HCRTR2: variants seen among roughly 807,000 people sequenced by gnomAD.
HCRTR2 encodes the protein hypocretin receptor 2.
In HCRTR2, 22 loss-of-function variants were observed where a neutral mutation model predicts 49.0. The observed-to-expected ratio is 0.45, with a 90% confidence interval of 0.32 to 0.64. HCRTR2 has a LOEUF of 0.64. Ranked by LOEUF, HCRTR2 falls within the 30% of genes least tolerant of loss-of-function variation. The pLI is 0.04. For missense variants in HCRTR2, 491 were observed against 559.4 expected (o/e 0.88, Z 1.23); for synonymous variants, 236 against 205.3 (o/e 1.15, Z -1.28).
chr6:55,239,871 G>A (rs113425243), intron 1 of HCRTR2, among the ~76,000 whole-genome samples: 27,127 of 146,292 alleles, frequency 0.19, 2,828 homozygotes, highest in Middle Eastern at 0.24. Context: ...CCCGCCTCCC[G>A]GGTTCAAGCG....
chr6:55,148,206 A>C (rs940026507), intron 1 of HCRTR2, among the ~76,000 whole-genome samples: 1 of 152,034 alleles, frequency 6.6e-6, no homozygotes, highest in Non-Finnish European at 1.5e-5. Context: ...ATGTTAAAAT[A>C]CTCAAAAATT....
At chr6:55,113,261 A>C (rs4407708) in intron 1 of HCRTR2, among the ~76,000 whole-genome samples, 48,418 of 151,976 alleles carry the variant, frequency 0.32, 9,477 homozygotes, top group East Asian at 0.79. Flanking sequence ...AATGCAACAT[A>C]AGCAAAGATA....
chr6:55,227,693 C>T (rs1349923038), intron 1 of HCRTR2, among the ~76,000 whole-genome samples: 4 of 152,076 alleles, frequency 2.6e-5, no homozygotes, highest in Non-Finnish European at 5.9e-5. Context: ...CCCCATGGTG[C>T]ATAATACTTG....
chr6:55,207,193 A>G (rs1188748461), intron 1 of HCRTR2, among the ~76,000 whole-genome samples: 2 of 152,130 alleles, frequency 1.3e-5, no homozygotes, highest in Non-Finnish European at 2.9e-5. Context: ...ATTTTATTTC[A>G]TTTATATTGA....
In HCRTR2 at chr6:55,264,458, C is replaced by A. The variant is rs576336918; in HGVS notation, c.762+636C>A. ...ATACATATCATGAACTTTTCACATA[C>A]ATGTCTCACACAAAAGCTAAAAATT... On this transcript the variant is annotated intron_variant, in intron 4 of 6. Transcript: ENST00000370862. 6.2e-3 allele frequency among the ~76,000 whole-genome samples: 944 copies of A among 152,176 alleles called. 9 individuals are homozygous for A. The highest frequency in any genetic ancestry group is 0.022 in the African/African-American group (899 of 41,534).
intron 1 of HCRTR2, chr6:55,106,643 TA>T (rs1763969837): frequency 6.6e-6 from 1 of 152,104 alleles, no homozygotes; most frequent in South Asian, 2.1e-4. Flanking sequence ...GAAATCGTCC[TA>T]AGGAATATTC....
intron 1 of HCRTR2, among the ~76,000 whole-genome samples, chr6:55,190,223 G>A (rs6939376): frequency 0.22 from 33,333 of 152,088 alleles, 3,808 homozygotes; most frequent in Admixed American, 0.3. Flanking sequence ...CAAAACAGAC[G>A]AAGCTCCTTC....
At chr6:55,165,159 C>T (rs1274992103) in intron 1 of HCRTR2, among the ~76,000 whole-genome samples, 2 of 151,698 alleles carry the variant, frequency 1.3e-5, no homozygotes, top group Non-Finnish European at 2.9e-5. Context: ...TGAAGCATAC[C>T]TACAGGATCT....
chr6:55,149,659 C>A (rs1581795470), intron 1 of HCRTR2, among the ~76,000 whole-genome samples: 1 of 151,862 alleles, frequency 6.6e-6, no homozygotes, highest in East Asian at 1.9e-4. Flanking sequence ...ATCATGAAAC[C>A]AACACCTTGA....
intron 1 of HCRTR2, among the ~76,000 whole-genome samples, chr6:55,217,757 C>T (rs916165371): frequency 6.6e-6 from 1 of 152,192 alleles, no homozygotes; most frequent in Non-Finnish European, 1.5e-5. Context: ...TCACCAGAAG[C>T]ACCCTTAACA....
At chr6:55,130,020 C>T (rs1230470182) in intron 1 of HCRTR2, among the ~76,000 whole-genome samples, 1 of 151,988 alleles carries the variant, frequency 6.6e-6, no homozygotes, top group Non-Finnish European at 1.5e-5. Flanking sequence ...ATTTGTTTAA[C>T]CCCTACTAAT....
At chr6:55,161,853 T>C (rs1258760196) in intron 1 of HCRTR2, among the ~76,000 whole-genome samples, 1 of 151,744 alleles carries the variant, frequency 6.6e-6, no homozygotes, top group Non-Finnish European at 1.5e-5. Flanking sequence ...AGCGTTCCAA[T>C]GAAAAAAAGC....
chr6:55,163,395 C>T (rs1441178369), intron 1 of HCRTR2, among the ~76,000 whole-genome samples: 1 of 152,052 alleles, frequency 6.6e-6, no homozygotes, highest in Non-Finnish European at 1.5e-5. Flanking sequence ...GCTACAGTAA[C>T]CAAAACAGCA....
At position 55,277,376 on chromosome 6, in the gene HCRTR2, T is replaced by G; in HGVS notation, c.763-4T>G. The G allele has an allele frequency of 6.2e-7, 1 of 1,611,594 alleles. No homozygotes were observed. Among genetic ancestry groups the G allele is most frequent in the African/African-American group, 1.3e-5 (1 of 74,994 alleles). Reference sequence around the variant, plus strand: ...CAATAAGGGTCTGTCTCTTCTCCTTTCAGATCCCTGGAACATCATCTGTAG... The same window carrying G: ...CAATAAGGGTCTGTCTCTTCTCCTTGCAGATCCCTGGAACATCATCTGTAG... On this transcript the variant is annotated splice_polypyrimidine_tract_variant and splice_region_variant and intron_variant, in intron 4 of 6. Coordinates refer to ENST00000370862, the MANE Select transcript of HCRTR2 (RefSeq NM_001384272.1).
intron 1 of HCRTR2, among the ~76,000 whole-genome samples, chr6:55,232,465 C>A (rs557977327): frequency 1.3e-5 from 2 of 152,016 alleles, no homozygotes; most frequent in African/African-American, 2.4e-5. Flanking sequence ...TAACTTTCTC[C>A]GACATGTTGT....
intron 1 of HCRTR2, among the ~76,000 whole-genome samples, chr6:55,248,078 C>T (rs1019718524): frequency 6.6e-6 from 1 of 151,956 alleles, no homozygotes; most frequent in African/African-American, 2.4e-5. Context: ...TATCATTGTC[C>T]CTTAAGATTG....
chr6:55,274,239 G>GTATATATATATATATATATATATATA (rs61667408), intron 4 of HCRTR2, among the ~76,000 whole-genome samples: 42 of 119,494 alleles, frequency 3.5e-4, no homozygotes, highest in African/African-American at 1.2e-3. Flanking sequence ...ATCATTTTCA[G>GTATATATATATATATATATATATATA]TATATATATA....
At chr6:55,259,688 G>A (rs140644869) in intron 3 of HCRTR2, among the ~76,000 whole-genome samples, 25 of 151,614 alleles carry the variant, frequency 1.6e-4, no homozygotes, top group Non-Finnish European at 3.2e-4. Context: ...TATTTAGATT[G>A]TGCTTATTCA....
At chr6:55,120,007 A>G (rs941950369) in intron 1 of HCRTR2, among the ~76,000 whole-genome samples, 2 of 151,936 alleles carry the variant, frequency 1.3e-5, no homozygotes, top group South Asian at 2.1e-4. Context: ...AGTTTTCCCA[A>G]CACCGTTTAT....
Sources: allele counts gnomAD v4.1 joint callset (sites outside exome capture counted in the v4.1 genomes callset), GRCh38; gene constraint gnomAD v4.1.1; transcripts MANE v1.5; gene names NCBI Gene and HGNC (gene_info 2026-07-23, HGNC 2026-07-21).